The following TSHR variants were observed in gnomAD, a reference collection of about 807,000 sequenced individuals.
TSHR encodes the protein thyrotropin receptor.
In TSHR, 51 loss-of-function variants were observed where a neutral mutation model predicts 64.1. That is an observed-to-expected ratio of 0.80 (90% CI 0.64 to 1.01). The LOEUF (loss-of-function observed/expected upper bound fraction) is 1.01. Among genes scored for constraint, TSHR ranks in the 50% least tolerant of loss-of-function variants. The pLI is 0.00. For missense variants in TSHR, 877 were observed against 942.8 expected (o/e 0.93, Z 0.91); for synonymous variants, 361 against 361.9 (o/e 1.00, Z 0.03).
chr14:80,964,796 G>A (rs1477311851), intron 1 of TSHR, among the ~76,000 whole-genome samples: 1 of 152,172 alleles, frequency 6.6e-6, no homozygotes, highest in African/African-American at 2.4e-5. Context: ...AACCCTAACA[G>A]ACATATTTTA....
At chr14:80,984,830 G>A (rs193023273) in intron 1 of TSHR, among the ~76,000 whole-genome samples, 1 of 152,332 alleles carries the variant, frequency 6.6e-6, no homozygotes, top group East Asian at 1.9e-4. Flanking sequence ...GTAAGATGGA[G>A]ATTTGGAGTC....
chr14:80,976,557 G>A (rs1443961887), intron 1 of TSHR, among the ~76,000 whole-genome samples: 1 of 152,172 alleles, frequency 6.6e-6, no homozygotes, highest in Non-Finnish European at 1.5e-5. Flanking sequence ...TGGGGTTATT[G>A]CACTTGTTTG....
At chr14:81,004,072 A>G (rs1889474802) in intron 1 of TSHR, among the ~76,000 whole-genome samples, 1 of 152,138 alleles carries the variant, frequency 6.6e-6, no homozygotes, top group Non-Finnish European at 1.5e-5. Flanking sequence ...TCTGTGCTCT[A>G]TTTTATTTCA....
intron 8 of TSHR, among the ~76,000 whole-genome samples, chr14:81,123,809 GT>G (rs1254716781): frequency 6.6e-6 from 1 of 152,144 alleles, no homozygotes; most frequent in Non-Finnish European, 1.5e-5. Flanking sequence ...TATAAATTTA[GT>G]TTGGAAGTAT....
Position 81,144,950 on chromosome 14 carries a change from C to G in TSHR, c.*597C>G. ...TTTTGCTTTGTTTTGTTTTTTAACT[C>G]AACCTATTAATCATCTCTTCACAAG... is the stretch of plus-strand genomic sequence containing the variant. On this transcript the variant is annotated 3_prime_UTR_variant, in exon 10 of 10. Transcript: ENST00000298171. 4.3e-6 allele frequency: 1 copy of G among 234,674 alleles called. No individual in the cohort carries two copies. Among genetic ancestry groups the G allele is most frequent in the African/African-American group, 2.2e-5 (1 of 45,462 alleles). The allele number at this position is 234,674 out of a possible 1,614,324, so 14.5% of individuals were successfully genotyped here.
chr14:81,062,293 A>T, intron 2 of TSHR, 74 bp downstream of exon 2: 2 of 1,118,882 alleles, frequency 1.8e-6, no homozygotes, highest in Admixed American at 3.7e-5. Flanking sequence ...ATCAAGAAAA[A>T]TACTTGGTAT....
intron 1 of TSHR, chr14:81,001,512 T>C (rs1352235013): frequency 7.7e-6 from 4 of 518,856 alleles, no homozygotes; most frequent in Admixed American, 2.0e-5. Context: ...TCTCTCAGCA[T>C]TTATAAACAT....
chr14:81,121,727 A>G (rs1376854474), intron 8 of TSHR, among the ~76,000 whole-genome samples: 1 of 152,086 alleles, frequency 6.6e-6, no homozygotes, highest in East Asian at 1.9e-4. Flanking sequence ...GGATCACTTG[A>G]GGTCGGGAGT....
At chr14:81,046,788 G>T (rs1366897984) in intron 1 of TSHR, among the ~76,000 whole-genome samples, 1 of 152,080 alleles carries the variant, frequency 6.6e-6, no homozygotes, top group Non-Finnish European at 1.5e-5. Context: ...GAAAACAAGT[G>T]ATAAAGAGAG....
chr14:81,055,282 T>C (rs1191877316), intron 1 of TSHR, among the ~76,000 whole-genome samples: 1 of 152,082 alleles, frequency 6.6e-6, no homozygotes, highest in Non-Finnish European at 1.5e-5. Flanking sequence ...AAAGGATATA[T>C]GGAAATGCCT....
In TSHR at chr14:80,955,661, A is replaced by T; in HGVS notation, c.-20A>T. The T allele has an allele frequency of 6.2e-7, 1 of 1,613,500 alleles. No homozygotes were observed. The highest frequency in any genetic ancestry group is 8.5e-7 in the Non-Finnish European group (1 of 1,179,878). On this transcript the variant is annotated 5_prime_UTR_variant, in exon 1 of 10. An upstream open reading frame in the 5' UTR loses its in-frame stop. Coordinates refer to ENST00000298171, the MANE Select transcript of TSHR (RefSeq NM_000369.5). ...AGGCGATTTCGGAGGATGGAGAAATAGCCCCGAGTCCCGTGGAAAATGAGG... is the reference window on the plus strand; with the variant it reads ...AGGCGATTTCGGAGGATGGAGAAATTGCCCCGAGTCCCGTGGAAAATGAGG...
At chr14:81,068,230 G>T (rs2139909467) in intron 2 of TSHR, 24 bp from the exon 3 acceptor site, 1 of 1,609,656 alleles carries the variant, frequency 6.2e-7, no homozygotes, top group Non-Finnish European at 8.5e-7. Context: ...TTTCTACTTT[G>T]TCTTATATTT....
At chr14:81,079,329 G>A (rs570678236) in intron 3 of TSHR, among the ~76,000 whole-genome samples, 12 of 152,090 alleles carry the variant, frequency 7.9e-5, no homozygotes, top group Non-Finnish European at 1.5e-4. Context: ...AATGCCTTTT[G>A]TGGGCCAGCA....
intron 5 of TSHR, among the ~76,000 whole-genome samples, chr14:81,091,505 G>A (rs549667982): frequency 6.6e-6 from 1 of 152,332 alleles, no homozygotes; most frequent in Non-Finnish European, 1.5e-5. Flanking sequence ...TGAGTCAGGA[G>A]AAAAGATTTT....
At chr14:81,092,463 G>A (rs773942819) in intron 5 of TSHR, 68 bp from the exon 6 acceptor site, 51 of 1,402,694 alleles carry the variant, frequency 3.6e-5, no homozygotes, top group East Asian at 4.6e-5. Context: ...GTGCATATGC[G>A]CAGCAAGACC....
chr14:81,018,400 C>T (rs369746444), intron 1 of TSHR, among the ~76,000 whole-genome samples: 6 of 152,136 alleles, frequency 3.9e-5, no homozygotes, highest in East Asian at 1.9e-4. Context: ...ATTCCACTTT[C>T]GCTTTCCCAA....
At chr14:81,019,931 T>G (rs1054483713) in intron 1 of TSHR, among the ~76,000 whole-genome samples, 1 of 152,234 alleles carries the variant, frequency 6.6e-6, no homozygotes, top group Non-Finnish European at 1.5e-5. Context: ...CATGTGCATG[T>G]GTCTTTATAG....
intron 1 of TSHR, among the ~76,000 whole-genome samples, chr14:81,002,767 G>T: frequency 8.3e-6 from 1 of 120,882 alleles, no homozygotes; most frequent in South Asian, 2.9e-4. Context: ...CTCTCATTAA[G>T]GTCCCTAATG....
intron 8 of TSHR, among the ~76,000 whole-genome samples, chr14:81,109,367 C>G (rs910166394): frequency 3.3e-5 from 5 of 151,930 alleles, no homozygotes; most frequent in Non-Finnish European, 2.9e-5. Context: ...CCAGATCGTG[C>G]CACTGCACTC....
Sources: gnomAD v4.1 joint callset for allele counts (sites outside exome capture counted in the v4.1 genomes callset) on GRCh38, gnomAD v4.1.1 for gene constraint, MANE v1.5 for transcripts, NCBI Gene and HGNC (gene_info 2026-07-23, HGNC 2026-07-21) for gene names.